The following PLEC variants were observed in gnomAD, a reference collection of about 807,000 sequenced individuals.
PLEC encodes the protein hemidesmosomal protein 1.
In PLEC, 216 loss-of-function variants were observed where a neutral mutation model predicts 392.8. That is an observed-to-expected ratio of 0.55 (90% confidence interval 0.49 to 0.62). The LOEUF is 0.62. Among genes scored for constraint, PLEC ranks in the 20% least tolerant of loss-of-function variants. PLEC has a pLI of 0.00. For synonymous variants in PLEC, 3,621 were observed against 2,980.6 expected, an observed-to-expected ratio of 1.21 and a Z score of -7.00; for missense variants, 6,863 against 6,563.4, an observed-to-expected ratio of 1.05 and a Z score of -1.58.
chr8:143,963,934 A>C (rs1467446162), intron 1 of PLEC, among the ~76,000 whole-genome samples: 2 of 150,416 alleles, frequency 1.3e-5, no homozygotes, highest in African/African-American at 4.9e-5. Context: ...TGCCTCATAC[A>C]CCTGAGTAGC....
chr8:143,920,864 A>T lies in PLEC; in HGVS notation c.8957T>A (p.Leu2986Gln). Residue 2986 changes from leucine to glutamine, a missense_variant, in exon 32 of 32, where the codon CTG becomes CAG. Leu to Gln is a moderately radical substitution (Grantham distance 113). Transcript: ENST00000345136. The part of the protein sequence containing the change: ...GLRSLVPAAE[L>Q]LESRVIDREL... Reference sequence around the variant, plus strand: ...GCGGTCGATGACCCTGCTCTCCAGCAGCTCGGCGGCTGGCACCAGGCTGCG... The same window carrying T: ...GCGGTCGATGACCCTGCTCTCCAGCTGCTCGGCGGCTGGCACCAGGCTGCG... The T allele has an allele frequency of 1.2e-6, 2 of 1,610,094 alleles. No homozygotes were observed. Among genetic ancestry groups the T allele is most frequent in the Non-Finnish European group, 1.7e-6 (2 of 1,179,824 alleles).
chr8:143,930,790 C>T (rs781817683), intron 19 of PLEC, among the ~76,000 whole-genome samples: 9 of 152,178 alleles, frequency 5.9e-5, no homozygotes, highest in Admixed American at 3.3e-4. Context: ...CTCCCAGCTA[C>T]GCTCTGGTCC....
rs555646129 is a variant in PLEC at position 143,932,036 on chromosome 8, C to T, written c.2083-4G>A. 50 of 1,592,072 alleles carry T rather than the reference C, an allele frequency of 3.1e-5. No individual in the cohort carries two copies. The African/African-American group carries it at 3.9e-4, about 12-fold the overall frequency. On this transcript the variant is annotated splice_polypyrimidine_tract_variant and splice_region_variant and intron_variant, in intron 17 of 31. Coordinates refer to ENST00000345136, the MANE Select transcript of PLEC (RefSeq NM_201384.3). ...TCTGCAGGGCCGCCTGGAAGGACTGCGGGACAGCAGGTCCCGGTCAGGCCC... is the reference window on the plus strand; with the variant it reads ...TCTGCAGGGCCGCCTGGAAGGACTGTGGGACAGCAGGTCCCGGTCAGGCCC...
Position 143,950,232 on chromosome 8 carries a change from T to C in PLEC, c.475A>G (p.Thr159Ala), listed in dbSNP as rs782513831. 4 of 1,558,468 alleles carry C rather than the reference T, an allele frequency of 2.6e-6. No homozygotes were observed. The Admixed American group carries it at 5.6e-5, about 22-fold the overall frequency. ...CCTGGCCTGGCCAGGGTCCGCTGGG[T>C]GGTAGCAGGCACCACAGGGGTCTCA... Residue 159 changes from threonine to alanine, a missense_variant, in exon 1 of 32, where the codon ACC (threonine) becomes GCC (alanine). Transcript: ENST00000322810.
At position 143,916,417 on chromosome 8, in the gene PLEC, C is replaced by A. The variant is rs183341386; in HGVS notation, c.13404G>T (p.Ala4468=). The A allele has an allele frequency of 6.2e-7, 1 of 1,611,414 alleles. No homozygotes were observed. Among genetic ancestry groups the A allele is most frequent in the African/African-American group, 1.3e-5 (1 of 74,894 alleles). Residue 4468 remains alanine, a synonymous_variant, in exon 32 of 32, where the codon GCG becomes GCT. Transcript: ENST00000345136. ...GGCTGTAGTAGCCCTTGGTGGACTG[C>A]GCGGCAGCCTCCAGCAGCCGCAGCC... ...GTGLRLLEAA[A]QSTKGYYSPY... is the part of the protein sequence containing the mutation.
Position 143,950,643 on chromosome 8 carries a change from C to A in PLEC, c.64G>T (p.Glu22Ter). ...TCCTTCTTGGCCACCATCACGCCCT[C>A]GCGGAAGAGCACCTCATAGATGGCC... Residue 22 changes from glutamate to a stop codon, truncating the protein, a stop_gained, in exon 1 of 32, where the codon GAG becomes TAG. Coordinates refer to the PLEC transcript ENST00000322810. LOFTEE classifies it high-confidence loss of function. The A allele has an allele frequency of 6.3e-7, 1 of 1,591,552 alleles. No homozygotes were observed. The highest frequency in any genetic ancestry group is 8.5e-7 in the Non-Finnish European group (1 of 1,171,700).
chr8:143,935,837 G>C lies in PLEC; in HGVS notation c.602+11C>G. 1 of 1,612,628 alleles carries C rather than the reference G, an allele frequency of 6.2e-7. No homozygotes were observed. Among genetic ancestry groups the C allele is most frequent in the Non-Finnish European group, 8.5e-7 (1 of 1,179,886 alleles). Reference sequence around the variant, plus strand: ...CCCAGCCCACAGCCCCCTGCCCCCGGGGCCATGTACTTGTGCCGGTGGATG... The same window carrying C: ...CCCAGCCCACAGCCCCCTGCCCCCGCGGCCATGTACTTGTGCCGGTGGATG... On this transcript the variant is annotated intron_variant, in intron 6 of 31. Coordinates refer to ENST00000345136, the MANE Select transcript of PLEC (RefSeq NM_201384.3).
intron 6 of PLEC, 36 bp from the exon 7 acceptor site, chr8:143,935,349 C>G: frequency 6.8e-7 from 1 of 1,477,354 alleles, no homozygotes. Flanking sequence ...GTGGGTGGGA[C>G]AAGACCAGCG....
chr8:143,929,724 C>G lies in PLEC; in HGVS notation c.2845G>C (p.Glu949Gln). Reference sequence around the variant, plus strand: ...TCGCGCTCAGCCATCAGCCGGTCCTCGGGTCCGAAGCCGCCCGCGTCCTGG... The same window carrying G: ...TCGCGCTCAGCCATCAGCCGGTCCTGGGGTCCGAAGCCGCCCGCGTCCTGG... ...DSQDAGGFGP[E>Q]DRLMAEREYG... Residue 949 changes from glutamate (E) to glutamine (Q), a missense_variant, in exon 23 of 32, where the codon GAG becomes CAG. Glu to Gln is a conservative substitution (Grantham distance 29). Coordinates refer to ENST00000345136, the MANE Select transcript of PLEC (RefSeq NM_201384.3). The G allele has an allele frequency of 6.3e-7, 1 of 1,599,786 alleles. No homozygotes were observed. Among genetic ancestry groups the G allele is most frequent in the South Asian group, 1.1e-5 (1 of 90,850 alleles).
At position 143,924,503 on chromosome 8, in the gene PLEC, AG is replaced by A; in HGVS notation, c.5425del (p.Leu1809TrpfsTer109). 1 of 1,539,876 alleles carries A rather than the reference AG, an allele frequency of 6.5e-7. No individual in the cohort carries two copies. The highest frequency in any genetic ancestry group is 8.7e-7 in the Non-Finnish European group (1 of 1,150,156). ...CCGCTGCCGCTTGGCCTCTTCCGCC[AG>A]GGCACGCAGGCGGGCGGCCTCCTCG... ...LAEEAARLRA[L>X]AEEAKRQRQL... On this transcript the variant is annotated frameshift_variant, in exon 31 of 32. Coordinates refer to ENST00000345136, the MANE Select transcript of PLEC (RefSeq NM_201384.3). LOFTEE classifies it high-confidence loss of function.
chr8:143,933,910 G>A (rs1828143376), intron 12 of PLEC, 88 bp downstream of exon 12: 1 of 1,203,712 alleles, frequency 8.3e-7, no homozygotes, highest in East Asian at 2.5e-5. Context: ...AGCCCAGGGG[G>A]ACAGCCCCCT....
chr8:143,938,505 A>T, intron 2 of PLEC, 126 bp downstream of exon 2: 1 of 1,559,380 alleles, frequency 6.4e-7, no homozygotes, highest in Non-Finnish European at 8.8e-7. Context: ...AGAAAATAAC[A>T]GGTTTCAGAG....
In PLEC at chr8:143,922,216, C is replaced by T. The variant is rs935757974; in HGVS notation, c.7605G>A (p.Gln2535=). ...AKAQQLREEQ[Q]RQQQQMEQER... ...CCTGCTCCATCTGCTGCTGCTGCCG[C>T]TGCTGCTCCTCACGCAGCTGCTGTG... Residue 2535 remains glutamine (Q), a synonymous_variant, in exon 32 of 32, where the codon CAG becomes CAA. Transcript: ENST00000345136. 1 of 1,565,148 alleles carries T rather than the reference C, an allele frequency of 6.4e-7. No individual in the cohort carries two copies. The highest frequency in any genetic ancestry group is 8.6e-7 in the Non-Finnish European group (1 of 1,158,576).
rs201460864 is a variant in PLEC at position 143,920,245 on chromosome 8, G to A, written c.9576C>T (p.Tyr3192=). Residue 3192 remains tyrosine, a synonymous_variant, in exon 32 of 32, where the codon TAC becomes TAT. Transcript: ENST00000345136. ...GCCGGCACCGCTGCTGGAGCTCGCC[G>A]TAGGTGGCCGGCTCCCCTGTGCTGG... ...SDPSTGEPAT[Y]GELQQRCRPD... is the part of the protein sequence containing the mutation. 7.1e-5 allele frequency: 114 copies of A among 1,600,108 alleles called. No homozygotes were observed. Among genetic ancestry groups the A allele is most frequent in the Admixed American group, 4.0e-4 (24 of 59,346 alleles).
chr8:143,933,557 C>T (rs1399958953), intron 12 of PLEC, among the ~76,000 whole-genome samples: 3 of 152,168 alleles, frequency 2.0e-5, no homozygotes, highest in Non-Finnish European at 4.4e-5. Flanking sequence ...GAGTACTTAG[C>T]CCAGTCCAAG....
chr8:143,959,121 G>GC (rs1934111211), intron 1 of PLEC, among the ~76,000 whole-genome samples: 1 of 152,206 alleles, frequency 6.6e-6, no homozygotes, highest in Non-Finnish European at 1.5e-5. Flanking sequence ...TGAGGGGAGG[G>GC]CGTGTGAGGG....
chr8:143,944,862 C>A lies in PLEC; in HGVS notation c.523+5322G>T, dbSNP rs868963511. 3 of 513,974 alleles carry A rather than the reference C, an allele frequency of 5.8e-6. No homozygotes were observed. The East Asian group carries it at 1.1e-4, about 18-fold the overall frequency. 31.8% of individuals were successfully genotyped at this position (513,974 alleles called of 1,614,324 possible). A position where few individuals can be genotyped will look rare whatever the true frequency, so the allele number is the denominator to read the frequency against. ...AGGGGATATAAATATCCGAGGAGGGCGCGCAAGGACCGTCACCACCCAGAC... is the reference window on the plus strand; with the variant it reads ...AGGGGATATAAATATCCGAGGAGGGAGCGCAAGGACCGTCACCACCCAGAC... On this transcript the variant is annotated intron_variant, in intron 1 of 31. Coordinates refer to the PLEC transcript ENST00000322810.
chr8:143,938,525 G>C, intron 2 of PLEC, 106 bp downstream of exon 2: 1 of 1,545,778 alleles, frequency 6.5e-7, no homozygotes, highest in Non-Finnish European at 8.9e-7. Flanking sequence ...GATGAAAGGT[G>C]AGCACACAGG....
Position 143,929,114 on chromosome 8 carries a change from G to A in PLEC, c.3249C>T (p.Ile1083=). Residue 1083 remains isoleucine (I), a synonymous_variant, in exon 25 of 32, where the codon ATC becomes ATT. Coordinates refer to ENST00000345136, the MANE Select transcript of PLEC (RefSeq NM_201384.3). ...CCAGGTGCACTCACTTCTCCAGGTA[G>A]ATGGCAGACAGGCTGCGGACCTGCT... The part of the protein sequence containing the change: ...KLEQVRSLSA[I]YLEKLKTISL... 6.3e-7 allele frequency: 1 copy of A among 1,577,698 alleles called. No homozygotes were observed. Among genetic ancestry groups the A allele is most frequent in the Non-Finnish European group, 8.6e-7 (1 of 1,162,474 alleles).
Sources: allele counts gnomAD v4.1 joint callset (sites outside exome capture counted in the v4.1 genomes callset), GRCh38; gene constraint gnomAD v4.1.1; transcripts MANE v1.5; gene names NCBI Gene and HGNC (gene_info 2026-07-23, HGNC 2026-07-21).